CCDC30: variants seen among roughly 807,000 people sequenced by gnomAD.
The protein encoded by CCDC30 is coiled-coil domain-containing protein 30.
Under a neutral mutation model 100.2 loss-of-function variants are expected in CCDC30, and 70 were observed. The observed-to-expected ratio is 0.70, with a 90% CI of 0.58 to 0.85. CCDC30 has a LOEUF of 0.85. Among genes scored for constraint, CCDC30 ranks in the 40% least tolerant of loss-of-function variants. CCDC30 has a pLI of 0.00. For missense variants in CCDC30, 652 were observed against 771.2 expected, an observed-to-expected ratio of 0.85 and a Z score of 1.83; for synonymous variants, 233 against 269.5, an observed-to-expected ratio of 0.86 and a Z score of 1.33.
chr1:42,641,014 G>A (rs1647342340), intron 12 of CCDC30, among the ~76,000 whole-genome samples: 2 of 152,024 alleles, frequency 1.3e-5, no homozygotes, highest in South Asian at 4.1e-4. Context: ...CCAGTCCTTT[G>A]GGAGGCTGAA....
At chr1:42,510,640 G>C (rs902642143) in intron 6 of CCDC30, among the ~76,000 whole-genome samples, 2 of 147,636 alleles carry the variant, frequency 1.4e-5, no homozygotes, top group African/African-American at 5.0e-5. Context: ...CTGGGTGAGA[G>C]AGCAAGACTC....
intron 6 of CCDC30, among the ~76,000 whole-genome samples, chr1:42,528,096 C>A (rs755418760): frequency 6.6e-6 from 1 of 152,104 alleles, no homozygotes; most frequent in Non-Finnish European, 1.5e-5. Context: ...GAACTCCTGA[C>A]CTCAGGTGAT....
chr1:42,572,006 A>G (rs780865232), intron 7 of CCDC30, among the ~76,000 whole-genome samples: 1 of 152,244 alleles, frequency 6.6e-6, no homozygotes, highest in Admixed American at 6.5e-5. Flanking sequence ...GAGTGCTGCA[A>G]TGAACACTCA....
intron 6 of CCDC30, among the ~76,000 whole-genome samples, chr1:42,557,954 G>A (rs949578679): frequency 6.6e-6 from 1 of 152,006 alleles, no homozygotes; most frequent in African/African-American, 2.4e-5. Context: ...AGACCCCTGT[G>A]TACTTACCTT....
At chr1:42,616,403 C>G (rs766315063) in intron 11 of CCDC30, among the ~76,000 whole-genome samples, 27 of 152,162 alleles carry the variant, frequency 1.8e-4, no homozygotes, top group Non-Finnish European at 2.4e-4. Flanking sequence ...TTGTGTGATT[C>G]TAATGTGCAT....
At chr1:42,488,788 C>A (rs974962920) in intron 3 of CCDC30, among the ~76,000 whole-genome samples, 1 of 152,154 alleles carries the variant, frequency 6.6e-6, no homozygotes. Flanking sequence ...TTCAGAACAC[C>A]TGAAGTCTTC....
chr1:42,497,207 T>A (rs1644244693), exon 5 of CCDC30: 1 of 1,231,638 alleles, frequency 8.1e-7, no homozygotes, highest in Non-Finnish European at 1.0e-6. Flanking sequence ...AGGTGCTTGG[T>A]GAAATGGTAA....
intron 6 of CCDC30, among the ~76,000 whole-genome samples, chr1:42,502,885 G>C (rs1644342529): frequency 6.6e-6 from 1 of 151,332 alleles, no homozygotes; most frequent in Non-Finnish European, 1.5e-5. Flanking sequence ...TTCTGTGGCT[G>C]ACTATTTTAT....
intron 10 of CCDC30, among the ~76,000 whole-genome samples, chr1:42,605,132 C>T (rs796410869): frequency 1.3e-5 from 2 of 152,172 alleles, no homozygotes; most frequent in South Asian, 4.1e-4. Context: ...GAAAGTTAAG[C>T]ACTGCCGCTT....
chr1:42,646,206 A>G, exon 15 of CCDC30: 2 of 1,584,360 alleles, frequency 1.3e-6, no homozygotes, highest in Non-Finnish European at 8.6e-7. Flanking sequence ...CAACAAAGAA[A>G]CAGAAAGAAA....
intron 15 of CCDC30, 30 bp downstream of exon 19, chr1:42,646,347 T>C (rs911026641): frequency 1.3e-5 from 19 of 1,448,752 alleles, no homozygotes; most frequent in Non-Finnish European, 1.7e-5. Flanking sequence ...ACATCCACAA[T>C]ACCCTTCCCC....
chr1:42,542,463 G>T (rs1645029695), intron 6 of CCDC30, among the ~76,000 whole-genome samples: 1 of 150,992 alleles, frequency 6.6e-6, no homozygotes, highest in South Asian at 2.1e-4. Flanking sequence ...GGCCTCAGGT[G>T]ATTGTCCTGC....
At chr1:42,589,280 G>T in intron 9 of CCDC30, 41 bp from the exon 14 acceptor site, 1 of 1,470,494 alleles carries the variant, frequency 6.8e-7, no homozygotes, top group Non-Finnish European at 9.1e-7. Context: ...AATTTCATTT[G>T]CAATTCATGG....
intron 6 of CCDC30, among the ~76,000 whole-genome samples, chr1:42,514,547 T>C (rs1022945030): frequency 2.0e-5 from 3 of 152,238 alleles, no homozygotes; most frequent in Non-Finnish European, 2.9e-5. Context: ...TCTTCTTTGG[T>C]GAAAATTTTT....
chr1:42,571,998 G>A (rs1054625749), intron 7 of CCDC30, among the ~76,000 whole-genome samples: 1 of 152,202 alleles, frequency 6.6e-6, no homozygotes, highest in Non-Finnish European at 1.5e-5. Flanking sequence ...TTTTTAAAGA[G>A]TGCTGCAATG....
intron 6 of CCDC30, among the ~76,000 whole-genome samples, chr1:42,500,801 C>T (rs184985338): frequency 6.6e-6 from 1 of 152,198 alleles, no homozygotes; most frequent in East Asian, 1.9e-4. Context: ...CACCATGTTG[C>T]CCAAGCTCTC....
At position 42,540,650 on chromosome 1, in the gene CCDC30, TAC is replaced by T. The variant is rs201629692; in HGVS notation, c.457-25628_457-25627del. On this transcript the variant is annotated intron_variant, in intron 6 of 16. Transcript: ENST00000668663. ...CCTTATCATTGTCTCTCTTTCCCTCTACACACACACACACACACATACACATA... is the reference window on the plus strand; with the variant it reads ...CCTTATCATTGTCTCTCTTTCCCTCTACACACACACACACACATACACATA... Among the ~76,000 whole-genome samples, 38 of 148,140 alleles carry T rather than the reference TAC, an allele frequency of 2.6e-4. No homozygotes were observed. In the South Asian group the frequency reaches 2.8e-3, roughly 11 times the overall value.
chr1:42,619,024 G>T (rs1646779925), intron 11 of CCDC30, among the ~76,000 whole-genome samples: 1 of 152,102 alleles, frequency 6.6e-6, no homozygotes, highest in African/African-American at 2.4e-5. Context: ...GCCAGAAAAT[G>T]TAGTTCCTAT....
intron 6 of CCDC30, among the ~76,000 whole-genome samples, chr1:42,560,099 C>T (rs187562608): frequency 7.9e-5 from 12 of 152,200 alleles, no homozygotes; most frequent in Admixed American, 2.6e-4. Flanking sequence ...CCAATGAGAA[C>T]AAAGAGACAA....
Sources: gnomAD v4.1 joint callset for allele counts (sites outside exome capture counted in the v4.1 genomes callset) on GRCh38, gnomAD v4.1.1 for gene constraint, MANE v1.5 for transcripts, NCBI Gene and HGNC (gene_info 2026-07-23, HGNC 2026-07-21) for gene names.